Variants in DMD observed in about 807,000 individuals in gnomAD.
The protein encoded by DMD is mutant dystrophin.
In DMD, 63 loss-of-function variants were observed where a neutral mutation model predicts 330.1. The observed-to-expected ratio is 0.19, with a 90% CI of 0.16 to 0.24. The LOEUF is 0.24. DMD is among the 10% of genes least tolerant of loss of function. DMD has a pLI of 1.00. For synonymous variants in DMD, 1,223 were observed against 959.8 expected (o/e 1.27, Z -5.07); for missense variants, 3,344 against 2,684.1 (o/e 1.25, Z -5.43).
intron 51 of DMD, among the ~76,000 whole-genome samples, chrX:31,757,854 C>T (rs1316278985): frequency 1.8e-5 from 2 of 111,046 alleles, no homozygotes; most frequent in African/African-American, 3.3e-5. Context: ...TCGTTGCCTT[C>T]CTGGAGTAGC....
chrX:32,264,420 G>A (rs1328818150), intron 43 of DMD, among the ~76,000 whole-genome samples: 1 of 111,430 alleles, frequency 9.0e-6, no homozygotes, highest in Non-Finnish European at 1.9e-5. Flanking sequence ...ACAGAGAGTG[G>A]GATACTGCTA....
At position 32,441,189 on chromosome X, in the gene DMD, C is replaced by G. The variant is rs764748376; in HGVS notation, c.3912G>C (p.Glu1304Asp). The change falls in exon 28 of 79, where the codon GAG becomes GAC. Residue 1304 changes from glutamate to aspartate, a missense_variant. Coordinates refer to ENST00000357033, the MANE Select transcript of DMD (RefSeq NM_004006.3). ...TTAATTTACAACTTACATCTAGCAC[C>G]TCAGAGATTTCCTCAGCTCCGCCAG... Reference protein sequence around the residue: ...NIPGGAEEISEVLDSLENLMR... With the variant: ...NIPGGAEEISDVLDSLENLMR... 2.5e-6 allele frequency: 3 copies of G among 1,207,194 alleles called. No individual in the cohort carries two copies. In the African/African-American group the frequency reaches 5.3e-5, roughly 21 times the overall value.
At chrX:32,904,998 T>G (rs1273086992) in intron 2 of DMD, among the ~76,000 whole-genome samples, 3 of 112,469 alleles carry the variant, frequency 2.7e-5, no homozygotes, top group African/African-American at 9.7e-5. Context: ...TAACATTGTG[T>G]TGTTGTATGT....
At chrX:32,078,920 A>G (rs2096372264) in intron 44 of DMD, among the ~76,000 whole-genome samples, 1 of 112,085 alleles carries the variant, frequency 8.9e-6, no homozygotes, top group South Asian at 3.7e-4. Context: ...GACTTGGCAT[A>G]AACAAACTAT....
chrX:31,437,180 G>A (rs1052778510), intron 60 of DMD, among the ~76,000 whole-genome samples: 1 of 112,046 alleles, frequency 8.9e-6, no homozygotes, highest in Non-Finnish European at 1.9e-5. Flanking sequence ...TCTGCTAATT[G>A]AGAAAAGGCT....
At chrX:32,052,525 G>A (rs1366141111) in intron 44 of DMD, among the ~76,000 whole-genome samples, 1 of 110,748 alleles carries the variant, frequency 9.0e-6, no homozygotes, top group Non-Finnish European at 1.9e-5. Flanking sequence ...CTCATTGTAT[G>A]TTCAGAATAA....
At chrX:31,558,967 G>A (rs62590908) in intron 55 of DMD, among the ~76,000 whole-genome samples, 3,926 of 110,982 alleles carry the variant, frequency 0.035, 148 homozygotes, top group Admixed American at 0.16. Flanking sequence ...ATAATTTACA[G>A]GAGAGACAAA....
intron 77 of DMD, among the ~76,000 whole-genome samples, chrX:31,130,255 G>T (rs933389956): frequency 5.4e-5 from 6 of 111,925 alleles, no homozygotes; most frequent in African/African-American, 1.9e-4. Context: ...ATCACTTAAT[G>T]GGGTTATTTT....
At chrX:31,476,876 A>G (rs1463574307) in intron 59 of DMD, among the ~76,000 whole-genome samples, 1 of 111,720 alleles carries the variant, frequency 9.0e-6, no homozygotes, top group Non-Finnish European at 1.9e-5. Context: ...AGAAAACACA[A>G]AAGAGCTATT....
At chrX:31,749,153 ATTAT>A (rs1164089762) in intron 51 of DMD, among the ~76,000 whole-genome samples, 1 of 109,661 alleles carries the variant, frequency 9.1e-6, no homozygotes, top group African/African-American at 3.3e-5. Context: ...TATTATTATT[ATTAT>A]TATACTTTAA....
At chrX:31,349,773 A>C (rs921616044) in intron 60 of DMD, among the ~76,000 whole-genome samples, 1 of 111,904 alleles carries the variant, frequency 8.9e-6, no homozygotes, top group African/African-American at 3.3e-5. Context: ...CTGGATTTTG[A>C]TTTAGTTGTG....
chrX:32,881,027 T>G (rs1027544503), intron 2 of DMD, among the ~76,000 whole-genome samples: 2 of 112,881 alleles, frequency 1.8e-5, no homozygotes, highest in Non-Finnish European at 3.7e-5. Flanking sequence ...TTTAAAAAGC[T>G]AAAAATCTTA....
intron 2 of DMD, among the ~76,000 whole-genome samples, chrX:32,918,506 A>C (rs977063077): frequency 9.0e-6 from 1 of 110,779 alleles, no homozygotes; most frequent in Admixed American, 9.7e-5. Context: ...GCCCACCACC[A>C]CACACAGCTA....
At chrX:32,553,728 T>C (rs1360119739) in intron 16 of DMD, among the ~76,000 whole-genome samples, 1 of 112,073 alleles carries the variant, frequency 8.9e-6, no homozygotes, top group Non-Finnish European at 1.9e-5. Context: ...TGTTATTTTA[T>C]GATATGGTTT....
chrX:31,906,080 G>A (rs989848682), intron 47 of DMD, among the ~76,000 whole-genome samples: 10 of 111,296 alleles, frequency 9.0e-5, no homozygotes, highest in African/African-American at 2.3e-4. Context: ...GAATCACGGC[G>A]GGCGGTTACC....
chrX:32,356,228 A>G (rs1010224322), intron 37 of DMD, among the ~76,000 whole-genome samples: 2 of 109,827 alleles, frequency 1.8e-5, no homozygotes, highest in African/African-American at 6.6e-5. Flanking sequence ...CCATATTTTA[A>G]GATAGATTAG....
At chrX:32,072,181 G>T (rs1450128663) in intron 44 of DMD, among the ~76,000 whole-genome samples, 1 of 111,196 alleles carries the variant, frequency 9.0e-6, no homozygotes, top group Admixed American at 9.6e-5. Flanking sequence ...ATCTTGAGCG[G>T]TTGGGTGCTG....
intron 59 of DMD, among the ~76,000 whole-genome samples, chrX:31,449,762 T>TGA (rs201547083): frequency 0.18 from 8,875 of 49,624 alleles, 516 homozygotes; most frequent in East Asian, 0.35. Context: ...ATAAATGGTG[T>TGA]GATATATATA....
At chrX:32,949,973 A>ACATCCAGTGT (rs1569545154) in intron 2 of DMD, among the ~76,000 whole-genome samples, 3 of 110,288 alleles carry the variant, frequency 2.7e-5, no homozygotes, top group African/African-American at 9.9e-5. Context: ...GGCAAAAAAA[A>ACATCCAGTGT]AAAAAAAAAT....
Sources: gnomAD v4.1 joint callset for allele counts (sites outside exome capture counted in the v4.1 genomes callset) on GRCh38, gnomAD v4.1.1 for gene constraint, MANE v1.5 for transcripts, NCBI Gene and HGNC (gene_info 2026-07-23, HGNC 2026-07-21) for gene names.